The following PDLIM1 variants were observed in gnomAD, a reference collection of about 807,000 sequenced individuals.
The protein encoded by PDLIM1 is PDZ and LIM domain 1.
Under a neutral mutation model 35.2 loss-of-function variants are expected in PDLIM1, and 25 were observed. The ratio of observed to expected loss-of-function variants is 0.71; its 90% CI spans 0.52 to 0.99. The LOEUF (loss-of-function observed/expected upper bound fraction) is 0.99, where lower values mean the gene tolerates loss of function less well. Among genes scored for constraint, PDLIM1 ranks in the 50% least tolerant of loss-of-function variants. The probability of loss-of-function intolerance (pLI) is 0.00; values close to 1 mark genes in which losing one functional copy is unlikely to be tolerated. For synonymous variants in PDLIM1, 152 were observed against 154.0 expected (o/e 0.99, Z 0.10); for missense variants, 363 against 415.3 (o/e 0.87, Z 1.09).
intron 4 of PDLIM1, among the ~76,000 whole-genome samples, chr10:95,252,541 A>C (rs1486108630): frequency 6.6e-6 from 1 of 152,240 alleles, no homozygotes; most frequent in African/African-American, 2.4e-5. Context: ...GGAAGATCTC[A>C]AACTGTAAAT....
rs2133447943 is a variant in PDLIM1, at chr10:95,290,640, C to A, written c.96+180G>T. Among the ~76,000 whole-genome samples the A allele has an allele frequency of 6.6e-6, 1 of 151,834 alleles. No homozygotes were observed. The highest frequency in any genetic ancestry group is 2.0e-4 in the East Asian group (1 of 5,124). On this transcript the variant is annotated intron_variant, in intron 1 of 6. Coordinates refer to ENST00000329399, the MANE Select transcript of PDLIM1 (RefSeq NM_020992.4). The surrounding 1 kb of genome is among the most constrained non-coding windows in gnomAD (Gnocchi z 4.7). ...CCGACCAGCCCGGGAGCGCAGCCTCCGCGAAGGGGCGGCGGGGAGCGGCGG... is the reference window on the plus strand; with the variant it reads ...CCGACCAGCCCGGGAGCGCAGCCTCAGCGAAGGGGCGGCGGGGAGCGGCGG...
At chr10:95,253,956 C>T (rs1433651745) in intron 4 of PDLIM1, among the ~76,000 whole-genome samples, 2 of 151,784 alleles carry the variant, frequency 1.3e-5, no homozygotes, top group Admixed American at 6.6e-5. Context: ...CAATGTAATA[C>T]CCAGATAACT....
At chr10:95,279,361 T>C (rs2035541027) in intron 1 of PDLIM1, among the ~76,000 whole-genome samples, 1 of 152,206 alleles carries the variant, frequency 6.6e-6, no homozygotes, top group Non-Finnish European at 1.5e-5. Flanking sequence ...GGTATATAAG[T>C]TTCTAGCCAT....
At chr10:95,275,165 T>C (rs1232555531) in intron 1 of PDLIM1, among the ~76,000 whole-genome samples, 1 of 152,212 alleles carries the variant, frequency 6.6e-6, no homozygotes, top group Non-Finnish European at 1.5e-5. Flanking sequence ...CCGACCAAGA[T>C]GCGAACTCAA....
chr10:95,265,918 G>A (rs955284656), intron 3 of PDLIM1, among the ~76,000 whole-genome samples: 8 of 149,194 alleles, frequency 5.4e-5, no homozygotes, highest in African/African-American at 1.7e-4. Context: ...AACAAAACAG[G>A]CCAGGCACGG....
At chr10:95,251,912 A>G (rs975870115) in intron 4 of PDLIM1, among the ~76,000 whole-genome samples, 8 of 152,222 alleles carry the variant, frequency 5.3e-5, no homozygotes, top group African/African-American at 1.9e-4. Flanking sequence ...CATCCCAGAC[A>G]TGGAGCGGAG....
At chr10:95,289,739 G>C (rs2035635511) in intron 1 of PDLIM1, among the ~76,000 whole-genome samples, 1 of 152,240 alleles carries the variant, frequency 6.6e-6, no homozygotes, top group Non-Finnish European at 1.5e-5. Flanking sequence ...TGGGAGACAA[G>C]CTGAAGGGCA....
At chr10:95,252,028 A>G (rs1404621667) in intron 4 of PDLIM1, among the ~76,000 whole-genome samples, 1 of 152,204 alleles carries the variant, frequency 6.6e-6, no homozygotes, top group African/African-American at 2.4e-5. Flanking sequence ...AAAACACAAC[A>G]CATTGAAACA....
intron 4 of PDLIM1, among the ~76,000 whole-genome samples, chr10:95,249,896 G>A (rs759174864): frequency 1.2e-4 from 18 of 152,154 alleles, no homozygotes; most frequent in East Asian, 3.9e-4. Context: ...TGGTCACTCC[G>A]GCCGGCTGCA....
intron 1 of PDLIM1, among the ~76,000 whole-genome samples, chr10:95,284,439 C>G (rs1314467248): frequency 6.6e-6 from 1 of 152,048 alleles, no homozygotes; most frequent in Non-Finnish European, 1.5e-5. Flanking sequence ...CTGCAACCTC[C>G]GCCTCCCAAG....
intron 6 of PDLIM1, 106 bp from the exon 7 acceptor site, chr10:95,238,217 C>A: frequency 1.0e-6 from 1 of 987,734 alleles, no homozygotes; most frequent in Non-Finnish European, 1.5e-6. Context: ...GGGCTTCTCC[C>A]CAGGAACCCA....
At chr10:95,288,874 T>C (rs562502900) in intron 1 of PDLIM1, among the ~76,000 whole-genome samples, 1 of 152,380 alleles carries the variant, frequency 6.6e-6, no homozygotes, top group South Asian at 2.1e-4. Flanking sequence ...AGAATGGAGC[T>C]GTGCCCTCTC....
chr10:95,274,325 C>T (rs1468276358), intron 1 of PDLIM1, among the ~76,000 whole-genome samples: 1 of 145,060 alleles, frequency 6.9e-6, no homozygotes, highest in Non-Finnish European at 1.5e-5. Flanking sequence ...CGGAGTTTCG[C>T]TCTTGTTGAC....
At chr10:95,274,910 A>G (rs949053812) in intron 1 of PDLIM1, among the ~76,000 whole-genome samples, 3 of 152,208 alleles carry the variant, frequency 2.0e-5, no homozygotes, top group African/African-American at 7.2e-5. Context: ...TGATGGTAGC[A>G]CTTTCCAAAA....
At chr10:95,265,876 G>A (rs1379724703) in intron 3 of PDLIM1, among the ~76,000 whole-genome samples, 1 of 152,148 alleles carries the variant, frequency 6.6e-6, no homozygotes, top group African/African-American at 2.4e-5. Flanking sequence ...ACATCAGCCT[G>A]GGTGACAGAG....
At chr10:95,289,933 C>T (rs2035637196) in intron 1 of PDLIM1, among the ~76,000 whole-genome samples, 1 of 152,208 alleles carries the variant, frequency 6.6e-6, no homozygotes, top group Non-Finnish European at 1.5e-5. Flanking sequence ...TGTGTTTGGC[C>T]AGATTAAATG....
intron 4 of PDLIM1, among the ~76,000 whole-genome samples, chr10:95,253,548 C>G (rs34883883): frequency 0.083 from 12,598 of 151,852 alleles, 673 homozygotes; most frequent in Middle Eastern, 0.16. Context: ...TCCAGCTACT[C>G]AAGAAGCTGA....
chr10:95,277,821 T>C (rs11188256), intron 1 of PDLIM1, among the ~76,000 whole-genome samples: 29,802 of 152,162 alleles, frequency 0.2, 3,333 homozygotes, highest in East Asian at 0.46. Flanking sequence ...AAGTTCATAA[T>C]GCATCTTTAA....
intron 5 of PDLIM1, among the ~76,000 whole-genome samples, chr10:95,243,706 T>C (rs2035196639): frequency 6.6e-6 from 1 of 152,170 alleles, no homozygotes; most frequent in Non-Finnish European, 1.5e-5. Flanking sequence ...ATTGAAAGTC[T>C]CCTTCAATGG....
Sources: allele counts gnomAD v4.1 joint callset (sites outside exome capture counted in the v4.1 genomes callset), GRCh38; gene constraint gnomAD v4.1.1; non-coding constraint Gnocchi (gnomAD v3.1); transcripts MANE v1.5; gene names NCBI Gene and HGNC (gene_info 2026-07-23, HGNC 2026-07-21).